ZC3H3: variants seen among roughly 807,000 people sequenced by gnomAD.
The protein encoded by ZC3H3 is zinc finger CCCH-type containing 3.
A neutral mutation model predicts 77.3 loss-of-function variants in ZC3H3; 36 were observed. That is an observed-to-expected ratio of 0.47 (90% CI 0.36 to 0.61). The LOEUF (loss-of-function observed/expected upper bound fraction) is 0.61. Among genes scored for constraint, ZC3H3 ranks in the 20% least tolerant of loss-of-function variants. The pLI, the probability that ZC3H3 is intolerant of heterozygous loss-of-function variation, is 0.00. For synonymous variants in ZC3H3, 626 were observed against 555.2 expected (o/e 1.13, Z -1.79); for missense variants, 1,331 against 1,312.2 (o/e 1.01, Z -0.22).
chr8:143,491,597 C>T lies in ZC3H3; in HGVS notation c.1716-16012G>A, dbSNP rs1461874188. ...CATGCCCCATCACCAGCTCCTCAGGCCAGCCCAGCCTGGAGCCATGCATTG... is the reference window on the plus strand; with the variant it reads ...CATGCCCCATCACCAGCTCCTCAGGTCAGCCCAGCCTGGAGCCATGCATTG... On this transcript the variant is annotated intron_variant, in intron 4 of 11. Coordinates refer to ENST00000262577, the MANE Select transcript of ZC3H3 (RefSeq NM_015117.3). Among the ~76,000 whole-genome samples, 3 of 152,386 alleles carry T rather than the reference C, an allele frequency of 2.0e-5. No homozygotes were observed. The East Asian group carries it at 5.8e-4, about 29-fold the overall frequency.
rs1398707216 is a variant in ZC3H3 at position 143,437,918 on chromosome 8, A to G, written c.*138T>C. 4.9e-6 allele frequency: 6 copies of G among 1,215,046 alleles called. No homozygotes were observed. Among genetic ancestry groups the G allele is most frequent in the African/African-American group, 1.5e-5 (1 of 65,994 alleles). The allele number at this position is 1,215,046 out of a possible 1,614,324, so 75.3% of individuals were successfully genotyped here. A position where few individuals can be genotyped will look rare whatever the true frequency, so the allele number is the denominator to read the frequency against. On this transcript the variant is annotated 3_prime_UTR_variant, in exon 12 of 12. Coordinates refer to ENST00000262577, the MANE Select transcript of ZC3H3 (RefSeq NM_015117.3). ...GGTCATGGAAGGTTGAGGGCCAGGC[A>G]GGCAGAGCAGTGTCCCTGTGGCCCC... is the stretch of plus-strand genomic sequence containing the variant.
Position 143,537,992 on chromosome 8 carries a change from G to A in ZC3H3, c.1364+11C>T, listed in dbSNP as rs368287129. 2.7e-5 allele frequency: 43 copies of A among 1,587,746 alleles called. No individual in the cohort carries two copies. The highest frequency in any genetic ancestry group is 1.7e-4 in the Middle Eastern group (1 of 5,912). On this transcript the variant is annotated intron_variant, in intron 2 of 11. Coordinates refer to ENST00000262577, the MANE Select transcript of ZC3H3 (RefSeq NM_015117.3). ...CCCTCACACTCTACCGCAGCCGGCC[G>A]GGATGCCCACCTTGTGCTGCTGCGT... is the stretch of plus-strand genomic sequence containing the variant.
At chr8:143,510,159 CACGGTAATA>C (rs111949477) in intron 3 of ZC3H3, among the ~76,000 whole-genome samples, 213 of 152,378 alleles carry the variant, frequency 1.4e-3, no homozygotes, top group African/African-American at 4.9e-3. Context: ...CTGAAAACCA[CACGGTAATA>C]ACGCAGCGCC....
At chr8:143,479,596 T>G (rs941732762) in intron 4 of ZC3H3, among the ~76,000 whole-genome samples, 11 of 152,226 alleles carry the variant, frequency 7.2e-5, no homozygotes, top group Non-Finnish European at 1.5e-4. Context: ...TAAGATAGTC[T>G]TCTTTCTCGC....
intron 10 of ZC3H3, 116 bp downstream of exon 10, chr8:143,440,820 G>C: frequency 1.7e-6 from 2 of 1,165,576 alleles, no homozygotes; most frequent in Non-Finnish European, 2.2e-6. Context: ...TTTCTTTCTG[G>C]TCTGAGGCCC....
Position 143,541,400 on chromosome 8 carries a change from G to T in ZC3H3, c.22C>A (p.Arg8=), listed in dbSNP as rs753547924. Residue 8 remains arginine, a synonymous_variant, in exon 1 of 12, where the codon CGG becomes AGG. Coordinates refer to ENST00000262577, the MANE Select transcript of ZC3H3 (RefSeq NM_015117.3). Reference sequence around the variant, plus strand: ...CCCTGCAGTAGGCGGATCTGCCGCCGTAATATCTCCTTTTCCTCCATCTCC... The same window carrying T: ...CCCTGCAGTAGGCGGATCTGCCGCCTTAATATCTCCTTTTCCTCCATCTCC... The part of the protein sequence containing the change: MEEKEIL[R]RQIRLLQGLI... 3.7e-6 allele frequency: 6 copies of T among 1,611,838 alleles called. No individual in the cohort carries two copies. Among genetic ancestry groups the T allele is most frequent in the Non-Finnish European group, 5.1e-6 (6 of 1,179,464 alleles).
intron 5 of ZC3H3, among the ~76,000 whole-genome samples, chr8:143,475,046 C>T (rs1056398833): frequency 2.0e-5 from 3 of 152,378 alleles, no homozygotes; most frequent in South Asian, 2.1e-4. Flanking sequence ...CGCTCAGCCA[C>T]GCGAGGTGGG....
At chr8:143,537,518 C>T (rs1822841124) in intron 2 of ZC3H3, among the ~76,000 whole-genome samples, 1 of 152,246 alleles carries the variant, frequency 6.6e-6, no homozygotes, top group Non-Finnish European at 1.5e-5. Context: ...AAAGACCAGG[C>T]ACCCCTGGCA....
Position 143,538,524 on chromosome 8 carries a change from G to GC in ZC3H3, c.842dup (p.Ala283ArgfsTer22), listed in dbSNP as rs763455496. 6.2e-7 allele frequency: 1 copy of GC among 1,612,128 alleles called. No individual in the cohort carries two copies. The highest frequency in any genetic ancestry group is 8.5e-7 in the Non-Finnish European group (1 of 1,180,000). On this transcript the variant is annotated frameshift_variant, in exon 2 of 12. Transcript: ENST00000262577. LOFTEE classifies it high-confidence loss of function. ...TGGGTCCTGAGGCCGGTCTGGCGGG[G>GC]CCCCCCACTGAGCCAGACGGAACTG...
At chr8:143,478,390 T>TG (rs1264615305) in intron 4 of ZC3H3, among the ~76,000 whole-genome samples, 1 of 152,184 alleles carries the variant, frequency 6.6e-6, no homozygotes, top group Non-Finnish European at 1.5e-5. Flanking sequence ...TCAGGGCCTC[T>TG]GGGGGTCAGC....
At chr8:143,448,132 A>C (rs1043221437) in intron 9 of ZC3H3, among the ~76,000 whole-genome samples, 2 of 151,940 alleles carry the variant, frequency 1.3e-5, no homozygotes, top group African/African-American at 4.8e-5. Context: ...GTCTCAAAAA[A>C]CAAAACAAAC....
In ZC3H3 at chr8:143,539,001, G is replaced by A. The variant is rs761344020; in HGVS notation, c.366C>T (p.Asn122=). The A allele has an allele frequency of 8.7e-6, 14 of 1,612,956 alleles. No homozygotes were observed. Among genetic ancestry groups the A allele is most frequent in the African/African-American group, 4.0e-5 (3 of 74,940 alleles). ...ERQVQLSQGQ[N]VVIKVKPPSK... ...ATGGCGGTTTAACTTTGATGACCAC[G>A]TTCTGACCCTGACTGAGCTGGACCT... The change falls in exon 2 of 12, where the codon AAC becomes AAT. Residue 122 remains asparagine, a synonymous_variant. Coordinates refer to ENST00000262577, the MANE Select transcript of ZC3H3 (RefSeq NM_015117.3).
At chr8:143,459,969 G>T (rs577840974) in intron 9 of ZC3H3, among the ~76,000 whole-genome samples, 3 of 151,944 alleles carry the variant, frequency 2.0e-5, no homozygotes, top group Non-Finnish European at 2.9e-5. Flanking sequence ...GCCAGAGGCC[G>T]GGCGTGGTGG....
intron 4 of ZC3H3, among the ~76,000 whole-genome samples, chr8:143,502,697 A>G (rs2130405195): frequency 6.6e-6 from 1 of 152,374 alleles, no homozygotes; most frequent in Non-Finnish European, 1.5e-5. Flanking sequence ...TATAAGTCAC[A>G]TTTCAGCTTC....
In ZC3H3 at chr8:143,453,118, C is replaced by G. The variant is rs138335478; in HGVS notation, c.2308-11998G>C. On this transcript the variant is annotated intron_variant, in intron 9 of 11. Transcript: ENST00000262577. ...TATGTTTGTTTTTTTGAGACAGGGT[C>G]TCACTCTCTTGCCTAGTGGTACAAT... Among the ~76,000 whole-genome samples, 28 of 152,306 alleles carry G rather than the reference C, an allele frequency of 1.8e-4. No homozygotes were observed. In the East Asian group the frequency reaches 5.4e-3, roughly 29 times the overall value.
intron 4 of ZC3H3, among the ~76,000 whole-genome samples, chr8:143,496,347 C>T (rs1027285891): frequency 1.3e-5 from 2 of 152,188 alleles, no homozygotes; most frequent in Non-Finnish European, 2.9e-5. Context: ...CCCAAGGAGC[C>T]GGGGTTCTGC....
intron 4 of ZC3H3, 149 bp from the exon 5 acceptor site, chr8:143,475,734 C>T (rs1040235042): frequency 1.2e-5 from 11 of 930,330 alleles, no homozygotes; most frequent in Middle Eastern, 3.4e-4. Flanking sequence ...TGGGTGACCA[C>T]GGGCCATTGG....
chr8:143,476,146 C>T (rs975984033), intron 4 of ZC3H3, among the ~76,000 whole-genome samples: 10 of 152,308 alleles, frequency 6.6e-5, no homozygotes, highest in African/African-American at 1.2e-4. Flanking sequence ...CCACCCTGGC[C>T]GTCAGGACCA....
chr8:143,480,494 T>C (rs1342222776), intron 4 of ZC3H3, among the ~76,000 whole-genome samples: 1 of 152,178 alleles, frequency 6.6e-6, no homozygotes, highest in Non-Finnish European at 1.5e-5. Flanking sequence ...ACGTCATTGA[T>C]CCTGGGCACA....
Sources: allele counts gnomAD v4.1 joint callset (sites outside exome capture counted in the v4.1 genomes callset), GRCh38; gene constraint gnomAD v4.1.1; transcripts MANE v1.5; gene names NCBI Gene and HGNC (gene_info 2026-07-23, HGNC 2026-07-21).